KCNH7: variants seen among roughly 807,000 people sequenced by gnomAD.
KCNH7 encodes the protein voltage-gated inwardly rectifying potassium channel KCNH7.
In KCNH7, 49 loss-of-function variants were observed where a neutral mutation model predicts 120.8. The observed-to-expected ratio is 0.41, with a 90% confidence interval of 0.32 to 0.51. The LOEUF (loss-of-function observed/expected upper bound fraction) is 0.51. Among genes scored for constraint, KCNH7 ranks in the 20% least tolerant of loss-of-function variants. The pLI is 0.38. For synonymous variants in KCNH7, 547 were observed against 516.1 expected (o/e 1.06, Z -0.81); for missense variants, 1,097 against 1,446.6 (o/e 0.76, Z 3.92).
Position 162,409,639 on chromosome 2 carries a change from C to G in KCNH7, c.2155-9198G>C, listed in dbSNP as rs1038635740. On this transcript the variant is annotated intron_variant, in intron 9 of 15. Transcript: ENST00000332142. ...AAAGGCATCCAAATAATAAGTCAAA[C>G]TATCTGTCTTTGCAGACGATATGAT... is the stretch of plus-strand genomic sequence containing the variant. Among the ~76,000 whole-genome samples the G allele has an allele frequency of 2.0e-5, 3 of 151,940 alleles. No homozygotes were observed. In the East Asian group the frequency reaches 5.8e-4, roughly 29 times the overall value.
chr2:162,670,029 G>A lies in KCNH7; in HGVS notation c.308-132949C>T, dbSNP rs1385892186. Among the ~76,000 whole-genome samples, 5 of 152,220 alleles carry A rather than the reference G, an allele frequency of 3.3e-5. No homozygotes were observed. In the East Asian group the frequency reaches 5.8e-4, roughly 18 times the overall value. On this transcript the variant is annotated intron_variant, in intron 2 of 15. Transcript: ENST00000332142. Reference sequence around the variant, plus strand: ...GCAGGAGAATCACTTGAACCCAGGAGGTGGAGGTTGTAGTGAGCAGGAGAT... The same window carrying A: ...GCAGGAGAATCACTTGAACCCAGGAAGTGGAGGTTGTAGTGAGCAGGAGAT...
At chr2:162,741,299 C>A in intron 2 of KCNH7, among the ~76,000 whole-genome samples, 1 of 149,160 alleles carries the variant, frequency 6.7e-6, no homozygotes, top group South Asian at 2.1e-4. Flanking sequence ...ATATTAATAA[C>A]ATATGTTATT....
chr2:162,567,882 T>C (rs1270658981), intron 2 of KCNH7, among the ~76,000 whole-genome samples: 1 of 152,044 alleles, frequency 6.6e-6, no homozygotes, highest in Admixed American at 6.6e-5. Flanking sequence ...ACCATATTTT[T>C]ACTGCACATT....
At chr2:162,793,516 A>C (rs1281682256) in intron 2 of KCNH7, among the ~76,000 whole-genome samples, 1 of 152,116 alleles carries the variant, frequency 6.6e-6, no homozygotes, top group East Asian at 1.9e-4. Context: ...TTTAGAAATA[A>C]ATTTAACCAA....
intron 9 of KCNH7, among the ~76,000 whole-genome samples, chr2:162,402,715 C>T (rs911985463): frequency 2.0e-5 from 3 of 151,838 alleles, no homozygotes; most frequent in African/African-American, 7.2e-5. Context: ...TACTGAGCTA[C>T]TGAGCCTGTA....
At chr2:162,501,565 G>A (rs1024769082) in intron 6 of KCNH7, among the ~76,000 whole-genome samples, 3 of 152,054 alleles carry the variant, frequency 2.0e-5, no homozygotes, top group Non-Finnish European at 2.9e-5. Context: ...ACAAACAAGA[G>A]AAATGTATTG....
At chr2:162,452,253 T>A (rs1386235987) in intron 6 of KCNH7, among the ~76,000 whole-genome samples, 1 of 152,026 alleles carries the variant, frequency 6.6e-6, no homozygotes, top group Non-Finnish European at 1.5e-5. Flanking sequence ...ATAATAAACT[T>A]AAAATTTTTC....
chr2:162,490,709 C>T (rs1370408050), intron 6 of KCNH7, among the ~76,000 whole-genome samples: 1 of 152,186 alleles, frequency 6.6e-6, no homozygotes, highest in East Asian at 1.9e-4. Context: ...CCCTGCCCAT[C>T]ACTCTCAGGG....
rs772060970 is a variant in KCNH7, at chr2:162,504,640, T to C, written c.931A>G (p.Lys311Glu). The C allele has an allele frequency of 1.3e-5, 21 of 1,610,774 alleles. No homozygotes were observed. The Admixed American group carries it at 3.5e-4, about 27-fold the overall frequency. The change falls in exon 6 of 16, where the codon AAG (lysine) becomes GAG (glutamate). Residue 311 changes from lysine (K) to glutamate (E), a missense_variant. Around this residue, in one of 8 missense-constraint regions of KCNH7, gnomAD observed 362 missense variants for 372.2 expected, o/e 0.97. Transcript: ENST00000332142. Reference protein sequence around the residue: ...RNVKGPFNHIKSSLLGSTSDS... With the variant: ...RNVKGPFNHIESSLLGSTSDS... ...GATGTGGATCCCAGGAGGCTTGACT[T>C]GATATGATTAAAAGGCCCTAAAAAA...
chr2:162,619,589 A>T (rs1683273654), intron 2 of KCNH7, among the ~76,000 whole-genome samples: 1 of 152,206 alleles, frequency 6.6e-6, no homozygotes, highest in Middle Eastern at 3.4e-3. Context: ...CCTGAAAACA[A>T]AACAGAAGAA....
At chr2:162,550,872 A>G (rs1335846191) in intron 2 of KCNH7, among the ~76,000 whole-genome samples, 2 of 147,230 alleles carry the variant, frequency 1.4e-5, no homozygotes, top group Non-Finnish European at 3.0e-5. Context: ...AGCAAAAATA[A>G]CAAAACTAGG....
intron 6 of KCNH7, among the ~76,000 whole-genome samples, chr2:162,450,143 G>T (rs1688719246): frequency 6.6e-6 from 1 of 151,942 alleles, no homozygotes; most frequent in Admixed American, 6.6e-5. Context: ...TTCCTATTAG[G>T]CTTCAAAAGC....
At position 162,693,297 on chromosome 2, in the gene KCNH7, C is replaced by A. The variant is rs1048659577; in HGVS notation, c.307+143240G>T. On this transcript the variant is annotated intron_variant, in intron 2 of 15. Transcript: ENST00000332142. ...AAAATGATCACATCCAGCACACATG[C>A]ATCTGTAATACCTAGAAACAGCCTG... Among the ~76,000 whole-genome samples the A allele has an allele frequency of 2.0e-5, 3 of 152,142 alleles. No homozygotes were observed. In the South Asian group the frequency reaches 6.2e-4, roughly 31 times the overall value.
intron 2 of KCNH7, among the ~76,000 whole-genome samples, chr2:162,566,490 T>C (rs943270164): frequency 6.6e-6 from 1 of 152,012 alleles, no homozygotes; most frequent in African/African-American, 2.4e-5. Context: ...TTAAATCAAG[T>C]GAGTTGTCTT....
intron 2 of KCNH7, among the ~76,000 whole-genome samples, chr2:162,635,362 G>T (rs1683918369): frequency 6.6e-6 from 1 of 151,908 alleles, no homozygotes; most frequent in Non-Finnish European, 1.5e-5. Context: ...ATAATAATAG[G>T]TCCCCAAGAT....
chr2:162,571,627 C>A (rs1456594871), intron 2 of KCNH7, among the ~76,000 whole-genome samples: 18 of 148,482 alleles, frequency 1.2e-4, no homozygotes, highest in Middle Eastern at 3.4e-3. Flanking sequence ...GAGGCATCAC[C>A]CTACCTGACT....
chr2:162,577,526 G>T (rs1268144306), intron 2 of KCNH7, among the ~76,000 whole-genome samples: 1 of 151,832 alleles, frequency 6.6e-6, no homozygotes, highest in East Asian at 1.9e-4. Context: ...GAAGATCTTG[G>T]AACAAAATTA....
At chr2:162,574,906 T>C (rs1371057635) in intron 2 of KCNH7, among the ~76,000 whole-genome samples, 1 of 152,114 alleles carries the variant, frequency 6.6e-6, no homozygotes, top group Non-Finnish European at 1.5e-5. Context: ...TACGATCACA[T>C]GTATTTCAGG....
chr2:162,434,245 T>TG (rs1452811332), intron 8 of KCNH7, among the ~76,000 whole-genome samples: 8 of 152,002 alleles, frequency 5.3e-5, no homozygotes, highest in African/African-American at 1.9e-4. Context: ...GATAAAGGGA[T>TG]GGGGGCAAGG....
Sources: allele counts gnomAD v4.1 joint callset (sites outside exome capture counted in the v4.1 genomes callset), GRCh38; gene constraint gnomAD v4.1.1; regional missense constraint gnomAD v4.1.1; transcripts MANE v1.5; gene names NCBI Gene and HGNC (gene_info 2026-07-23, HGNC 2026-07-21).